PLAAT3: variants seen among roughly 807,000 people sequenced by gnomAD.
The protein encoded by PLAAT3 is phospholipase A and acyltransferase 3.
In PLAAT3, 21 loss-of-function variants were observed where a neutral mutation model predicts 16.7. The ratio of observed to expected loss-of-function variants is 1.26; its 90% CI spans 0.89 to 1.81. The LOEUF (loss-of-function observed/expected upper bound fraction) is 1.81. Among genes scored for constraint, PLAAT3 ranks in the 40% most tolerant of loss-of-function variants. PLAAT3 has a pLI of 0.00. For synonymous variants in PLAAT3, 76 were observed against 81.7 expected, an observed-to-expected ratio of 0.93 and a Z score of 0.38; for missense variants, 219 against 213.7, an observed-to-expected ratio of 1.02 and a Z score of -0.16.
At chr11:63,581,248 C>T (rs970198835) in intron 4 of PLAAT3, among the ~76,000 whole-genome samples, 5 of 152,118 alleles carry the variant, frequency 3.3e-5, no homozygotes, top group Non-Finnish European at 4.4e-5. Flanking sequence ...TGACTGCCTG[C>T]GGGGTCGGGC....
chr11:63,602,685 T>G (rs1341663387), intron 2 of PLAAT3, among the ~76,000 whole-genome samples: 1 of 152,142 alleles, frequency 6.6e-6, no homozygotes, highest in African/African-American at 2.4e-5. Context: ...CCATAATGCT[T>G]TAGTGGAACA....
chr11:63,603,551 C>T (rs1484022737), intron 2 of PLAAT3, among the ~76,000 whole-genome samples: 1 of 151,848 alleles, frequency 6.6e-6, no homozygotes, highest in Admixed American at 6.6e-5. Context: ...TTGATCTGTG[C>T]AGCAAACCAC....
intron 4 of PLAAT3, among the ~76,000 whole-genome samples, chr11:63,581,040 T>C (rs555934063): frequency 6.6e-6 from 1 of 152,230 alleles, no homozygotes; most frequent in South Asian, 2.1e-4. Flanking sequence ...CAATTAATAC[T>C]CTTATAATTT....
chr11:63,616,856 G>A (rs1440513309), upstream of PLAAT3: 2 of 152,152 alleles, frequency 1.3e-5, no homozygotes, highest in East Asian at 3.9e-4. Context: ...GGTGGCGGGT[G>A]CCTGTAGTCC....
intron 4 of PLAAT3, among the ~76,000 whole-genome samples, chr11:63,583,925 C>A (rs1937891480): frequency 6.6e-6 from 1 of 152,006 alleles, no homozygotes; most frequent in South Asian, 2.1e-4. Context: ...AAAGAAAGTG[C>A]TAATGTGCTG....
chr11:63,612,564 T>C (rs529879940), intron 2 of PLAAT3, among the ~76,000 whole-genome samples: 4 of 152,380 alleles, frequency 2.6e-5, no homozygotes, highest in African/African-American at 2.4e-5. Context: ...CTAGTAGATA[T>C]AGCTCCCCTG....
At chr11:63,600,586 T>TG (rs1938400499) in intron 2 of PLAAT3, among the ~76,000 whole-genome samples, 1 of 140,706 alleles carries the variant, frequency 7.1e-6, no homozygotes, top group African/African-American at 2.7e-5. Context: ...TTTTTTTGTT[T>TG]TTTTTGTTTT....
At chr11:63,604,282 T>C (rs961206591) in intron 2 of PLAAT3, among the ~76,000 whole-genome samples, 8 of 152,194 alleles carry the variant, frequency 5.3e-5, no homozygotes, top group Non-Finnish European at 7.3e-5. Context: ...TATTTCATGT[T>C]ATATTATTTT....
At chr11:63,580,542 T>C (rs1429902516) in intron 4 of PLAAT3, among the ~76,000 whole-genome samples, 1 of 152,066 alleles carries the variant, frequency 6.6e-6, no homozygotes, top group African/African-American at 2.4e-5. Flanking sequence ...TAATCCCAGC[T>C]ACTTGGGAGG....
chr11:63,574,658 C>G lies in PLAAT3; in HGVS notation c.*287G>C, dbSNP rs1333839948. 3 of 348,530 alleles carry G rather than the reference C, an allele frequency of 8.6e-6. No individual in the cohort carries two copies. Among genetic ancestry groups the G allele is most frequent in the Non-Finnish European group, 1.1e-5 (2 of 187,970 alleles). The allele number at this position is 348,530 out of a possible 1,614,324, so 21.6% of individuals were successfully genotyped here. A position where few individuals can be genotyped will look rare whatever the true frequency, so the allele number is the denominator to read the frequency against. On this transcript the variant is annotated 3_prime_UTR_variant, in exon 5 of 5. Transcript: ENST00000415826. Reference sequence around the variant, plus strand: ...CGCCCTCTACTTGAGATAACTGGAGCTGGACTCTGCCTCCTGCAATGCAAA... The same window carrying G: ...CGCCCTCTACTTGAGATAACTGGAGGTGGACTCTGCCTCCTGCAATGCAAA...
chr11:63,614,175 AC>A, intron 1 of PLAAT3, 107 bp from the exon 2 acceptor site: 1 of 910,356 alleles, frequency 1.1e-6, no homozygotes, highest in Non-Finnish European at 1.7e-6. Flanking sequence ...CGCGCCTCGG[AC>A]CCCAGGAACA....
intron 4 of PLAAT3, among the ~76,000 whole-genome samples, chr11:63,576,672 T>G (rs1401610254): frequency 6.6e-6 from 1 of 152,184 alleles, no homozygotes; most frequent in Non-Finnish European, 1.5e-5. Context: ...ATACAATGAT[T>G]TTACAGTATA....
rs1205824617 is a variant in PLAAT3 at position 63,590,122 on chromosome 11, T to C, written c.365A>G (p.Tyr122Cys). ...NCEHFVNELR[Y>C]GVARSDQVRD... ...CACCTGGTCACTGCGGGCGACTCCATAGCGCAGCTCATTCACAAAGTGCTC... is the reference window on the plus strand; with the variant it reads ...CACCTGGTCACTGCGGGCGACTCCACAGCGCAGCTCATTCACAAAGTGCTC... The change falls in exon 4 of 5, where the codon TAT becomes TGT. Residue 122 changes from tyrosine to cysteine, a missense_variant. By Grantham distance (194) the Tyr-to-Cys change is radical. Coordinates refer to ENST00000415826, the MANE Select transcript of PLAAT3 (RefSeq NM_001128203.2). 1.2e-6 allele frequency: 2 copies of C among 1,614,024 alleles called. No homozygotes were observed. Among genetic ancestry groups the C allele is most frequent in the Admixed American group, 1.7e-5 (1 of 60,002 alleles).
At chr11:63,615,406 A>ATG (rs1187931837), upstream of PLAAT3, among the ~76,000 whole-genome samples, 1,508 of 7,376 alleles carry the variant, frequency 0.2, 377 homozygotes, top group East Asian at 1. Context: ...ATGTGTGTAT[A>ATG]TGTGTGTGTG....
At chr11:63,594,606 C>CAAA (rs561314138) in intron 3 of PLAAT3, among the ~76,000 whole-genome samples, 4 of 148,844 alleles carry the variant, frequency 2.7e-5, no homozygotes, top group African/African-American at 9.9e-5. Context: ...AACTCCATCT[C>CAAA]AAAAAAAAGA....
chr11:63,601,055 ATT>A (rs149796053), intron 2 of PLAAT3, among the ~76,000 whole-genome samples: 2,088 of 145,094 alleles, frequency 0.014, 42 homozygotes, highest in African/African-American at 0.051. Flanking sequence ...AAAAAAAAAA[ATT>A]TTTTTTTTTT....
At chr11:63,608,945 C>T (rs2134432513) in intron 2 of PLAAT3, among the ~76,000 whole-genome samples, 1 of 152,248 alleles carries the variant, frequency 6.6e-6, no homozygotes, top group East Asian at 1.9e-4. Context: ...TGGGATTATC[C>T]TGAGGATGAA....
chr11:63,605,648 G>C (rs1938536237), intron 2 of PLAAT3, among the ~76,000 whole-genome samples: 1 of 151,838 alleles, frequency 6.6e-6, no homozygotes. Flanking sequence ...CGCCTCCCGG[G>C]TTCACGCCAT....
Position 63,575,063 on chromosome 11 carries a change from G to T in PLAAT3, c.388-17C>A. The T allele has an allele frequency of 5.2e-6, 8 of 1,527,834 alleles. No homozygotes were observed. The highest frequency in any genetic ancestry group is 7.3e-6 in the Non-Finnish European group (8 of 1,101,716). The allele number at this position is 1,527,834 out of a possible 1,614,324, so 94.6% of individuals were successfully genotyped here. A position where few individuals can be genotyped will look rare whatever the true frequency, so the allele number is the denominator to read the frequency against. On this transcript the variant is annotated splice_polypyrimidine_tract_variant and intron_variant, in intron 4 of 4. Coordinates refer to ENST00000415826, the MANE Select transcript of PLAAT3 (RefSeq NM_001128203.2). ...ATCTCTGACCTGCAACAAAGAAGAG[G>T]GTGGGTCACACTCTGTGTCAGGATC...
Sources: gnomAD v4.1 joint callset for allele counts (sites outside exome capture counted in the v4.1 genomes callset) on GRCh38, gnomAD v4.1.1 for gene constraint, MANE v1.5 for transcripts, NCBI Gene and HGNC (gene_info 2026-07-23, HGNC 2026-07-21) for gene names.